The following EGFLAM variants were observed in gnomAD, a reference collection of about 807,000 sequenced individuals.
EGFLAM encodes pikachurin.
A neutral mutation model predicts 113.1 loss-of-function variants in EGFLAM; 79 were observed. The ratio of observed to expected loss-of-function variants is 0.70; its 90% CI spans 0.58 to 0.84. EGFLAM has a LOEUF of 0.84. Among genes scored for constraint, EGFLAM ranks in the 40% least tolerant of loss-of-function variants. EGFLAM has a pLI of 0.00. For missense variants in EGFLAM, 1,265 were observed against 1,291.6 expected (o/e 0.98, Z 0.32); for synonymous variants, 504 against 487.6 (o/e 1.03, Z -0.44).
intron 15 of EGFLAM, 70 bp downstream of exon 15, chr5:38,431,358 A>G: frequency 1.3e-6 from 2 of 1,490,430 alleles, no homozygotes; most frequent in Middle Eastern, 1.7e-4. Context: ...CTGTCTTGGT[A>G]GAAAAGCAGC....
At chr5:38,304,234 G>T (rs982443893) in intron 1 of EGFLAM, among the ~76,000 whole-genome samples, 1 of 152,056 alleles carries the variant, frequency 6.6e-6, no homozygotes, top group East Asian at 1.9e-4. Context: ...CTCAGAGTTT[G>T]GTACCAAGTA....
chr5:38,259,976 G>A (rs1196662073), intron 1 of EGFLAM, among the ~76,000 whole-genome samples: 1 of 152,164 alleles, frequency 6.6e-6, no homozygotes, highest in Non-Finnish European at 1.5e-5. Context: ...CTCTGGAAGC[G>A]TCCTCAGTCT....
At chr5:38,331,904 T>C (rs1739052435) in intron 1 of EGFLAM, among the ~76,000 whole-genome samples, 1 of 152,232 alleles carries the variant, frequency 6.6e-6, no homozygotes, top group Non-Finnish European at 1.5e-5. Flanking sequence ...GTGCAGTTTT[T>C]TGTGTGGACG....
rs906993615 is a variant in EGFLAM at position 38,464,744 on chromosome 5, T to C, written c.*758T>C. ...GAAGTTTGGGTGGATGACTCTGAAT[T>C]CTTGCACACCTTTCCTAAAAATTTC... is the stretch of plus-strand genomic sequence containing the variant. On this transcript the variant is annotated 3_prime_UTR_variant, in exon 22 of 22. Transcript: ENST00000322350. 1.3e-5 allele frequency: 2 copies of C among 152,226 alleles called. No homozygotes were observed. Among genetic ancestry groups the C allele is most frequent in the East Asian group, 3.8e-4 (2 of 5,202 alleles). 9.4% of individuals were successfully genotyped at this position (152,226 alleles called of 1,614,324 possible).
At chr5:38,334,911 T>G (rs1739144584) in intron 1 of EGFLAM, among the ~76,000 whole-genome samples, 1 of 152,166 alleles carries the variant, frequency 6.6e-6, no homozygotes. Flanking sequence ...TTTTGCCCCT[T>G]GGGGAGCATT....
chr5:38,403,935 G>A lies in EGFLAM; in HGVS notation c.713-2191G>A, dbSNP rs776575626. Reference sequence around the variant, plus strand: ...CAGGTTGAATTTTCAGTTGACAGGTGGACTACTTTAAATAAAACTGGGGAA... The same window carrying A: ...CAGGTTGAATTTTCAGTTGACAGGTAGACTACTTTAAATAAAACTGGGGAA... On this transcript the variant is annotated intron_variant, in intron 6 of 21. Coordinates refer to ENST00000322350, the MANE Select transcript of EGFLAM (RefSeq NM_152403.4). 3.1e-6 allele frequency: 5 copies of A among 1,613,122 alleles called. No homozygotes were observed. The African/African-American group carries it at 6.7e-5, about 22-fold the overall frequency.
At chr5:38,375,904 T>G (rs1407612439) in intron 6 of EGFLAM, among the ~76,000 whole-genome samples, 1 of 152,206 alleles carries the variant, frequency 6.6e-6, no homozygotes, top group Non-Finnish European at 1.5e-5. Flanking sequence ...CTAGGATCAT[T>G]TTGGTGACCT....
intron 5 of EGFLAM, among the ~76,000 whole-genome samples, chr5:38,358,548 T>C (rs535024950): frequency 6.6e-6 from 1 of 152,134 alleles, no homozygotes; most frequent in South Asian, 2.1e-4. Flanking sequence ...GTAGACGTTA[T>C]GCATAATATG....
chr5:38,260,792 C>T (rs1243423367), intron 1 of EGFLAM, among the ~76,000 whole-genome samples: 1 of 152,144 alleles, frequency 6.6e-6, no homozygotes, highest in Admixed American at 6.5e-5. Flanking sequence ...CTCCTGGGCT[C>T]ATTTACATCC....
intron 20 of EGFLAM, among the ~76,000 whole-genome samples, chr5:38,462,318 C>T (rs1048038677): frequency 1.1e-4 from 16 of 152,186 alleles, no homozygotes; most frequent in Non-Finnish European, 2.2e-4. Context: ...AAGCTCTCCT[C>T]CCCTGGGCTT....
intron 6 of EGFLAM, among the ~76,000 whole-genome samples, chr5:38,377,811 A>T (rs1740404735): frequency 6.6e-6 from 1 of 152,226 alleles, no homozygotes; most frequent in African/African-American, 2.4e-5. Flanking sequence ...TAAGGATGAG[A>T]TTCTAATGCT....
chr5:38,314,849 C>T (rs1285365879), intron 1 of EGFLAM, among the ~76,000 whole-genome samples: 2 of 152,200 alleles, frequency 1.3e-5, no homozygotes, highest in Admixed American at 1.3e-4. Flanking sequence ...TAAGCACATG[C>T]TTCACCATGC....
At chr5:38,279,178 AC>A (rs1757958943) in intron 1 of EGFLAM, among the ~76,000 whole-genome samples, 1 of 152,206 alleles carries the variant, frequency 6.6e-6, no homozygotes, top group Non-Finnish European at 1.5e-5. Context: ...ATATCATCTT[AC>A]CCCAGCTAGA....
intron 5 of EGFLAM, among the ~76,000 whole-genome samples, chr5:38,368,520 G>A (rs765412843): frequency 2.0e-5 from 3 of 152,148 alleles, no homozygotes; most frequent in Admixed American, 6.5e-5. Context: ...AAGGAAATCC[G>A]CTGTTCACCC....
At chr5:38,341,478 C>A (rs536977680) in intron 3 of EGFLAM, among the ~76,000 whole-genome samples, 1 of 152,314 alleles carries the variant, frequency 6.6e-6, no homozygotes, top group South Asian at 2.1e-4. Context: ...CTGGTCCCAC[C>A]CTTGACACAT....
chr5:38,295,379 G>A (rs773132470), intron 1 of EGFLAM, among the ~76,000 whole-genome samples: 4 of 152,176 alleles, frequency 2.6e-5, no homozygotes, highest in Non-Finnish European at 5.9e-5. Context: ...GAGAGAGGTC[G>A]TTTGAATAAA....
intron 9 of EGFLAM, among the ~76,000 whole-genome samples, chr5:38,408,265 GA>G (rs1741358440): frequency 6.6e-6 from 1 of 152,216 alleles, no homozygotes; most frequent in African/African-American, 2.4e-5. Flanking sequence ...TGTTTAAAAA[GA>G]GAGCCCAATT....
At chr5:38,332,483 G>A (rs1184296626) in intron 1 of EGFLAM, among the ~76,000 whole-genome samples, 1 of 152,084 alleles carries the variant, frequency 6.6e-6, no homozygotes, top group Non-Finnish European at 1.5e-5. Context: ...CAGCTTGGTT[G>A]GGGAGACCCT....
At chr5:38,411,141 A>C (rs1191892531) in intron 10 of EGFLAM, among the ~76,000 whole-genome samples, 4 of 152,324 alleles carry the variant, frequency 2.6e-5, no homozygotes, top group African/African-American at 9.6e-5. Flanking sequence ...AGTCAAAAGA[A>C]AATGGGAGCT....
Sources: gnomAD v4.1 joint callset for allele counts (sites outside exome capture counted in the v4.1 genomes callset) on GRCh38, gnomAD v4.1.1 for gene constraint, MANE v1.5 for transcripts, NCBI Gene and HGNC (gene_info 2026-07-23, HGNC 2026-07-21) for gene names.